NRXN3: variants seen among roughly 807,000 people sequenced by gnomAD.
The protein encoded by NRXN3 is neurexin 3, also known as neurexin III.
NRXN3 carries 32 observed loss-of-function variants against 137.6 expected under a neutral mutation model. That is an observed-to-expected ratio of 0.23 (90% CI 0.18 to 0.31). The LOEUF is 0.31. Ranked by LOEUF, NRXN3 falls within the 10% of genes least tolerant of loss-of-function variation. The pLI is 1.00. For synonymous variants in NRXN3, 798 were observed against 784.5 expected, an observed-to-expected ratio of 1.02 and a Z score of -0.29; for missense variants, 1,574 against 2,062.5, an observed-to-expected ratio of 0.76 and a Z score of 4.59.
intron 15 of NRXN3, among the ~76,000 whole-genome samples, chr14:79,260,503 G>T (rs796741402): frequency 6.6e-6 from 1 of 152,102 alleles, no homozygotes; most frequent in Non-Finnish European, 1.5e-5. Context: ...ACCCCCATCC[G>T]CACAGCCACC....
rs551871258 is a variant in NRXN3 at position 79,578,362 on chromosome 14, C to T, written c.3445-85416C>T. Among the ~76,000 whole-genome samples the T allele has an allele frequency of 5.9e-5, 9 of 152,192 alleles. No individual in the cohort carries two copies. The East Asian group carries it at 7.7e-4, about 13-fold the overall frequency. On this transcript the variant is annotated intron_variant, in intron 16 of 20. Coordinates refer to ENST00000335750, the MANE Select transcript of NRXN3 (RefSeq NM_001330195.2). The stretch of plus-strand genomic sequence containing the variant: ...GAGCTCTCCTAAGCTTTGGTGTCTG[C>T]GGTTTTTGGAGGTTGGGTGGGTGCT...
intron 4 of NRXN3, among the ~76,000 whole-genome samples, chr14:78,625,497 A>G (rs1384027981): frequency 6.6e-6 from 1 of 152,178 alleles, no homozygotes; most frequent in Non-Finnish European, 1.5e-5. Flanking sequence ...CTCTTACATC[A>G]AAGGAAGGTT....
intron 6 of NRXN3, among the ~76,000 whole-genome samples, chr14:78,666,036 A>G (rs1339112164): frequency 6.6e-6 from 1 of 152,058 alleles, no homozygotes; most frequent in Non-Finnish European, 1.5e-5. Flanking sequence ...CTCCCTTTCA[A>G]CTTCCGAATT....
At chr14:79,568,434 C>CT (rs2097569542) in intron 16 of NRXN3, among the ~76,000 whole-genome samples, 1 of 152,144 alleles carries the variant, frequency 6.6e-6, no homozygotes, top group Admixed American at 6.5e-5. Context: ...ATTCACCTCT[C>CT]TAAGATTATG....
intron 16 of NRXN3, among the ~76,000 whole-genome samples, chr14:79,599,816 G>A (rs1200864408): frequency 4.6e-5 from 7 of 152,092 alleles, no homozygotes; most frequent in South Asian, 2.1e-4. Context: ...CCAACATGGC[G>A]AAACCCTGTC....
chr14:79,241,164 G>A (rs947072427), intron 15 of NRXN3, among the ~76,000 whole-genome samples: 2 of 152,084 alleles, frequency 1.3e-5, no homozygotes, highest in Non-Finnish European at 2.9e-5. Flanking sequence ...GGTTTAGAGG[G>A]CAACTCTGAG....
chr14:79,192,865 G>A (rs1425782054), intron 15 of NRXN3, among the ~76,000 whole-genome samples: 1 of 149,656 alleles, frequency 6.7e-6, no homozygotes, highest in African/African-American at 2.5e-5. Context: ...CCACCTCCCG[G>A]GTTCAAGAGA....
chr14:78,660,596 C>T (rs962103257), intron 6 of NRXN3, among the ~76,000 whole-genome samples: 7 of 152,102 alleles, frequency 4.6e-5, no homozygotes, highest in African/African-American at 1.7e-4. Flanking sequence ...AGCTTCTGGC[C>T]ACTATCTTGC....
chr14:79,513,511 G>A (rs146120329), intron 16 of NRXN3, among the ~76,000 whole-genome samples: 22 of 152,254 alleles, frequency 1.4e-4, no homozygotes, highest in Admixed American at 1.2e-3. Flanking sequence ...AATAAAAGAA[G>A]ACAAAACCAG....
At chr14:79,824,491 C>T (rs535434326) in intron 20 of NRXN3, among the ~76,000 whole-genome samples, 29 of 152,210 alleles carry the variant, frequency 1.9e-4, no homozygotes, top group African/African-American at 6.7e-4. Flanking sequence ...TATCTTTACC[C>T]TTTCCGTTGT....
intron 15 of NRXN3, among the ~76,000 whole-genome samples, chr14:79,308,188 C>T (rs1215821196): frequency 1.3e-5 from 2 of 151,954 alleles, no homozygotes; most frequent in Non-Finnish European, 2.9e-5. Context: ...GGGGTTAGGA[C>T]TTCAACATAT....
chr14:79,111,810 G>T (rs556739233), intron 15 of NRXN3, among the ~76,000 whole-genome samples: 6 of 151,738 alleles, frequency 4.0e-5, no homozygotes, highest in Non-Finnish European at 8.8e-5. Context: ...GTATTATTGT[G>T]AGACTAAAAA....
At chr14:79,234,289 G>A (rs1397529113) in intron 15 of NRXN3, among the ~76,000 whole-genome samples, 3 of 38,400 alleles carry the variant, frequency 7.8e-5, no homozygotes, top group Admixed American at 4.6e-4. Context: ...CATATTCAAT[G>A]GTAAATATAT....
chr14:79,391,367 G>A (rs997537845), intron 15 of NRXN3, among the ~76,000 whole-genome samples: 36 of 152,264 alleles, frequency 2.4e-4, no homozygotes, highest in African/African-American at 8.4e-4. Flanking sequence ...GCCATTTACT[G>A]GGATGGGGAG....
chr14:78,679,864 G>C (rs897943280), intron 6 of NRXN3, among the ~76,000 whole-genome samples: 6 of 152,084 alleles, frequency 3.9e-5, no homozygotes, highest in African/African-American at 1.4e-4. Context: ...CCTTCTCCTG[G>C]TTCAAATCCG....
At chr14:79,064,560 T>C (rs950154288) in intron 15 of NRXN3, among the ~76,000 whole-genome samples, 2 of 151,906 alleles carry the variant, frequency 1.3e-5, no homozygotes, top group Non-Finnish European at 2.9e-5. Context: ...GGACTCAGCA[T>C]TTTGGTTTCA....
At chr14:79,595,171 C>G (rs1367932459) in intron 16 of NRXN3, among the ~76,000 whole-genome samples, 1 of 152,172 alleles carries the variant, frequency 6.6e-6, no homozygotes, top group East Asian at 1.9e-4. Flanking sequence ...GCCAGTGTCA[C>G]CCTTTCTCTA....
chr14:79,628,587 G>A (rs1188330653), intron 16 of NRXN3, among the ~76,000 whole-genome samples: 2 of 152,138 alleles, frequency 1.3e-5, no homozygotes, highest in Admixed American at 6.5e-5. Flanking sequence ...GGAGAATTAT[G>A]TTCTATGGCA....
intron 15 of NRXN3, among the ~76,000 whole-genome samples, chr14:79,145,444 C>G (rs180681869): frequency 1.2e-3 from 177 of 152,164 alleles, no homozygotes; most frequent in African/African-American, 4.1e-3. Flanking sequence ...AGTAAAGGTG[C>G]TATTTTTTTA....
Sources: allele counts gnomAD v4.1 joint callset (sites outside exome capture counted in the v4.1 genomes callset), GRCh38; gene constraint gnomAD v4.1.1; transcripts MANE v1.5; gene names NCBI Gene and HGNC (gene_info 2026-07-23, HGNC 2026-07-21).